The following RBM34 variants were observed in gnomAD, a reference collection of about 807,000 sequenced individuals.
RBM34 encodes RNA-binding protein 34.
Under a neutral mutation model 44.6 loss-of-function variants are expected in RBM34, and 39 were observed. The ratio of observed to expected loss-of-function variants is 0.87; its 90% confidence interval spans 0.68 to 1.14. The LOEUF is 1.14. RBM34 is among the 50% of genes most tolerant of loss of function. RBM34 has a pLI of 0.00. For missense variants in RBM34, 572 were observed against 517.9 expected (o/e 1.10, Z -1.01); for synonymous variants, 194 against 184.0 (o/e 1.05, Z -0.44).
chr1:235,154,637 G>C (rs1662316322), intron 4 of RBM34, among the ~76,000 whole-genome samples: 1 of 152,112 alleles, frequency 6.6e-6, no homozygotes, highest in Admixed American at 6.6e-5. Context: ...CAGGAGACAA[G>C]GCTGAAAGAA....
At chr1:235,154,574 A>G (rs556284296) in intron 4 of RBM34, among the ~76,000 whole-genome samples, 1 of 152,284 alleles carries the variant, frequency 6.6e-6, no homozygotes, top group South Asian at 2.1e-4. Flanking sequence ...AAAAGAAAAG[A>G]AAAAGGAAAG....
Position 235,135,667 on chromosome 1 carries a change from G to C in RBM34, c.993C>G (p.Gly331=). The part of the protein sequence containing the change: ...DKMTGIGKGF[G]YVLFENTDSV... The stretch of plus-strand genomic sequence containing the variant: ...TCTCCCATACCTCAAAGAGCACATA[G>C]CCAAACCCTTTGCCGATGCCTGTCA... The change falls in exon 10 of 11, where the codon GGC becomes GGG. Residue 331 remains glycine (G), a synonymous_variant. Transcript: ENST00000408888. The C allele has an allele frequency of 6.2e-7, 1 of 1,613,832 alleles. No homozygotes were observed. Among genetic ancestry groups the C allele is most frequent in the Non-Finnish European group, 8.5e-7 (1 of 1,179,720 alleles).
chr1:235,151,300 G>T (rs995326747), intron 5 of RBM34, among the ~76,000 whole-genome samples: 1 of 152,144 alleles, frequency 6.6e-6, no homozygotes, highest in Non-Finnish European at 1.5e-5. Context: ...CATAGGGTTG[G>T]GGTGAGAATG....
chr1:235,161,240 A>T lies in RBM34; in HGVS notation c.-14T>A, dbSNP rs556485199. ...TTCCAAGGCCATTCTTACTCCAAAG[A>T]CTCCCAGACTGCAGCTGCGCGCCAG... On this transcript the variant is annotated 5_prime_UTR_variant, in exon 1 of 11. Coordinates refer to ENST00000408888, the MANE Select transcript of RBM34 (RefSeq NM_015014.4). 1.2e-6 allele frequency: 2 copies of T among 1,612,610 alleles called. No homozygotes were observed. Among genetic ancestry groups the T allele is most frequent in the Admixed American group, 1.7e-5 (1 of 59,842 alleles).
At position 235,138,095 on chromosome 1, in the gene RBM34, T is replaced by G; in HGVS notation, c.781A>C (p.Lys261Gln). The change falls in exon 7 of 11, where the codon AAA (lysine) becomes CAA (glutamine). Residue 261 changes from lysine (K) to glutamine (Q), a missense_variant. Physicochemically the swap from Lys to Gln is moderately conservative, Grantham distance 53. Transcript: ENST00000408888. The part of the protein sequence containing the change: ...KEESAATQAL[K>Q]RNGAQIADGF... The stretch of plus-strand genomic sequence containing the variant: ...AAACCTAAGGGATAAAATTACCTTT[T>G]CAATGCTTGCGTGGCAGCACTCTCC... 1 of 1,605,016 alleles carries G rather than the reference T, an allele frequency of 6.2e-7. No individual in the cohort carries two copies. Among genetic ancestry groups the G allele is most frequent in the South Asian group, 1.1e-5 (1 of 89,406 alleles).
chr1:235,144,819 C>A (rs1405195278), intron 6 of RBM34, among the ~76,000 whole-genome samples: 1 of 152,060 alleles, frequency 6.6e-6, no homozygotes, highest in South Asian at 2.1e-4. Flanking sequence ...GAGGGTGGGG[C>A]AGATCACCTG....
At chr1:235,136,116 G>A in intron 8 of RBM34, 43 bp from the exon 9 acceptor site, 1 of 1,520,328 alleles carries the variant, frequency 6.6e-7, no homozygotes, top group South Asian at 1.2e-5. Context: ...CACTAGACCA[G>A]AAAATGGAAG....
Position 235,135,771 on chromosome 1 carries a change from C to A in RBM34, c.890-1G>T. 1 of 1,611,044 alleles carries A rather than the reference C, an allele frequency of 6.2e-7. No individual in the cohort carries two copies. Among genetic ancestry groups the A allele is most frequent in the Non-Finnish European group, 8.5e-7 (1 of 1,177,230 alleles). On this transcript the variant is annotated splice_acceptor_variant, in intron 9 of 10. Transcript: ENST00000408888. LOFTEE classifies it high-confidence loss of function. The stretch of plus-strand genomic sequence containing the variant: ...TTCTCAATGGCAGATTCTTCAACTT[C>A]TGAAAACAAATTCAATCAAAATGGA...
chr1:235,135,876 C>A, intron 9 of RBM34, 106 bp from the exon 10 acceptor site: 1 of 1,250,620 alleles, frequency 8.0e-7, no homozygotes, highest in Non-Finnish European at 1.2e-6. Context: ...TGAAAATAAG[C>A]CATTATATTG....
In RBM34 at chr1:235,136,036, T is replaced by A; in HGVS notation, c.887A>T (p.Tyr296Phe). Residue 296 changes from tyrosine to phenylalanine, a missense_variant and splice_region_variant, in exon 9 of 11, where the codon TAT becomes TTT. Physicochemically the swap from Tyr to Phe is conservative, Grantham distance 22. Coordinates refer to ENST00000408888, the MANE Select transcript of RBM34 (RefSeq NM_015014.4). Reference protein sequence around the residue: ...KRSVFVGNLPYKVEESAIEKH... With the variant: ...KRSVFVGNLPFKVEESAIEKH... ...GTACTTTGTTTAAACAAACTTACTA[T>A]AAGGGAGATTCCCCACAAAAACCGA... The A allele has an allele frequency of 1.3e-6, 2 of 1,585,596 alleles. No homozygotes were observed. The highest frequency in any genetic ancestry group is 2.7e-5 in the African/African-American group (2 of 74,324).
intron 6 of RBM34, among the ~76,000 whole-genome samples, chr1:235,141,842 A>G (rs572174995): frequency 2.8e-4 from 42 of 152,288 alleles, no homozygotes; most frequent in African/African-American, 1.0e-3. Flanking sequence ...ACCAGAAGGA[A>G]GAAACTCCGA....
chr1:235,154,259 G>A (rs774998606), intron 4 of RBM34, among the ~76,000 whole-genome samples: 80 of 105,154 alleles, frequency 7.6e-4, no homozygotes, highest in Middle Eastern at 5.4e-3. Context: ...AAAAAAAAAA[G>A]AGAGAGAGAG....
At position 235,131,682 on chromosome 1, in the gene RBM34, C is replaced by T; in HGVS notation, c.*31G>A. 6.4e-7 allele frequency: 1 copy of T among 1,566,460 alleles called. No homozygotes were observed. Among genetic ancestry groups the T allele is most frequent in the Non-Finnish European group, 8.6e-7 (1 of 1,161,404 alleles). ...TAATAGCACTTTTATTAGCAGTACT[C>T]AGCAGGAAAAGAAAAAGCAGTTCCT... On this transcript the variant is annotated 3_prime_UTR_variant, in exon 11 of 11. Transcript: ENST00000408888.
At chr1:235,134,665 A>G (rs971582471) in intron 10 of RBM34, among the ~76,000 whole-genome samples, 5 of 152,234 alleles carry the variant, frequency 3.3e-5, no homozygotes, top group African/African-American at 1.2e-4. Context: ...TAGTATGAAG[A>G]AAGAACTGGG....
intron 6 of RBM34, among the ~76,000 whole-genome samples, chr1:235,140,495 G>GCTCGATTTCTCAC (rs1419079591): frequency 2.0e-5 from 3 of 152,226 alleles, no homozygotes; most frequent in Non-Finnish European, 4.4e-5. Context: ...CTGGCGCTAC[G>GCTCGATTTCTCAC]CTCGATTTCT....
At chr1:235,138,325 TTTAGTAA>T in intron 6 of RBM34, 151 bp from the exon 7 acceptor site, 1 of 616,540 alleles carries the variant, frequency 1.6e-6, no homozygotes. Context: ...TGAATAAATA[TTTAGTAA>T]TAACTCAAAA....
At chr1:235,152,863 T>A in intron 4 of RBM34, 98 bp from the exon 5 acceptor site, 1 of 863,192 alleles carries the variant, frequency 1.2e-6, no homozygotes, top group Non-Finnish European at 1.7e-6. Flanking sequence ...AATCCTCTAC[T>A]GCCAGGCTTT....
Position 235,138,194 on chromosome 1 carries a change from A to G in RBM34, c.702-20T>C. Reference sequence around the variant, plus strand: ...TTACGTCTACACCAAAAAAAAAAAAAGAAAGAAAGAAAAGAGAGACAAGGT... The same window carrying G: ...TTACGTCTACACCAAAAAAAAAAAAGGAAAGAAAGAAAAGAGAGACAAGGT... On this transcript the variant is annotated intron_variant, in intron 6 of 10. Transcript: ENST00000408888. 2 of 1,488,416 alleles carry G rather than the reference A, an allele frequency of 1.3e-6. No homozygotes were observed. Among genetic ancestry groups the G allele is most frequent in the Non-Finnish European group, 1.8e-6 (2 of 1,094,196 alleles). The allele number at this position is 1,488,416 out of a possible 1,614,324, so 92.2% of individuals were successfully genotyped here. A position where few individuals can be genotyped will look rare whatever the true frequency, so the allele number is the denominator to read the frequency against.
intron 3 of RBM34, among the ~76,000 whole-genome samples, chr1:235,157,975 T>C (rs1662522708): frequency 6.6e-6 from 1 of 151,676 alleles, no homozygotes; most frequent in South Asian, 2.1e-4. Context: ...AAGAACAGAC[T>C]ACTTTTCTTA....
Sources: allele counts gnomAD v4.1 joint callset (sites outside exome capture counted in the v4.1 genomes callset), GRCh38; gene constraint gnomAD v4.1.1; transcripts MANE v1.5; gene names NCBI Gene and HGNC (gene_info 2026-07-23, HGNC 2026-07-21).